The following RPAP2 variants were observed in gnomAD, a reference collection of about 807,000 sequenced individuals.
RPAP2 encodes putative RNA polymerase II subunit B1 CTD phosphatase RPAP2.
In RPAP2, 52 loss-of-function variants were observed where a neutral mutation model predicts 73.1. The observed-to-expected ratio is 0.71, with a 90% CI of 0.57 to 0.90. The LOEUF is 0.90. RPAP2 is among the 40% of genes least tolerant of loss of function. RPAP2 has a pLI of 0.00. For missense variants in RPAP2, 598 were observed against 701.8 expected, an observed-to-expected ratio of 0.85 and a Z score of 1.67; for synonymous variants, 225 against 242.1, an observed-to-expected ratio of 0.93 and a Z score of 0.65.
chr1:92,352,536 T>C (rs1002829908), intron 11 of RPAP2, among the ~76,000 whole-genome samples: 1 of 152,188 alleles, frequency 6.6e-6, no homozygotes, highest in Non-Finnish European at 1.5e-5. Context: ...CCTTAGAAAT[T>C]TATTGGTTAC....
chr1:92,320,689 T>A, intron 7 of RPAP2, 55 bp downstream of exon 7: 2 of 1,434,742 alleles, frequency 1.4e-6, no homozygotes, highest in Non-Finnish European at 9.8e-7. Context: ...ATAGAAACAT[T>A]AGGAGTGAAC....
intron 6 of RPAP2, 58 bp downstream of exon 6, chr1:92,307,334 C>A: frequency 2.5e-6 from 3 of 1,211,202 alleles, no homozygotes; most frequent in Admixed American, 2.3e-5. Context: ...TTTGTTTCTG[C>A]TTTTTGAGAT....
chr1:92,385,872 G>A (rs1655845495), intron 12 of RPAP2, among the ~76,000 whole-genome samples: 1 of 152,194 alleles, frequency 6.6e-6, no homozygotes, highest in Non-Finnish European at 1.5e-5. Context: ...CTTTCCTGAT[G>A]TTACAGTTAA....
chr1:92,340,648 G>GC (rs531283511), intron 10 of RPAP2, among the ~76,000 whole-genome samples: 14 of 152,240 alleles, frequency 9.2e-5, no homozygotes, highest in East Asian at 7.7e-4. Context: ...TTTTCTAAAA[G>GC]CCCCCCTTAG....
intron 6 of RPAP2, among the ~76,000 whole-genome samples, chr1:92,310,811 C>T (rs1469212408): frequency 5.3e-5 from 8 of 152,006 alleles, no homozygotes; most frequent in South Asian, 2.1e-4. Context: ...TAAGAAGAAC[C>T]GCTTGAACCT....
chr1:92,302,316 A>AT (rs1445576766), intron 3 of RPAP2, among the ~76,000 whole-genome samples: 1 of 150,844 alleles, frequency 6.6e-6, no homozygotes, highest in African/African-American at 2.5e-5. Context: ...AAAAAGAAAA[A>AT]TGAGGATGGG....
chr1:92,336,878 T>G (rs566726953), intron 10 of RPAP2, among the ~76,000 whole-genome samples: 3 of 152,100 alleles, frequency 2.0e-5, no homozygotes, highest in Non-Finnish European at 4.4e-5. Flanking sequence ...AATATTGAAT[T>G]ACACAGAACA....
Position 92,389,901 on chromosome 1 carries a change from G to A in RPAP2, c.*2890G>A, listed in dbSNP as rs1655987698. 6.6e-6 allele frequency: 1 copy of A among 152,182 alleles called. No individual in the cohort carries two copies. The highest frequency in any genetic ancestry group is 1.5e-5 in the Non-Finnish European group (1 of 68,032). 9.4% of individuals were successfully genotyped at this position (152,182 alleles called of 1,614,324 possible). A position where few individuals can be genotyped will look rare whatever the true frequency, so the allele number is the denominator to read the frequency against. On this transcript the variant is annotated 3_prime_UTR_variant, in exon 13 of 13. Coordinates refer to ENST00000610020, the MANE Select transcript of RPAP2 (RefSeq NM_024813.3). Reference sequence around the variant, plus strand: ...CAAGAAATATGAGACTATGTGAAAAGACCAAATCTATGTTTGATTGGTGTA... The same window carrying A: ...CAAGAAATATGAGACTATGTGAAAAAACCAAATCTATGTTTGATTGGTGTA...
chr1:92,381,452 A>C (rs1655624267), intron 12 of RPAP2, among the ~76,000 whole-genome samples: 1 of 152,164 alleles, frequency 6.6e-6, no homozygotes, highest in Non-Finnish European at 1.5e-5. Flanking sequence ...GTCCTGCCTT[A>C]ATTATAACTT....
intron 10 of RPAP2, 72 bp downstream of exon 10, chr1:92,336,499 C>A: frequency 9.6e-7 from 1 of 1,038,102 alleles, no homozygotes; most frequent in Non-Finnish European, 1.5e-6. Context: ...AATCCAAAGG[C>A]ACAGAGAAAG....
At position 92,393,781 on chromosome 1, in the gene RPAP2, C is replaced by T. The variant is rs1449819138; in HGVS notation, c.*6770C>T. On this transcript the variant is annotated 3_prime_UTR_variant, in exon 13 of 13. Transcript: ENST00000610020. ...GAAAATCAAAACCACAGTGAGATAC[C>T]ATCTCATGCCAGTTAGAATGGCGAT... 2 of 152,170 alleles carry T rather than the reference C, an allele frequency of 1.3e-5. No individual in the cohort carries two copies. Among genetic ancestry groups the T allele is most frequent in the African/African-American group, 4.8e-5 (2 of 41,442 alleles). 9.4% of individuals were successfully genotyped at this position (152,170 alleles called of 1,614,324 possible). A position where few individuals can be genotyped will look rare whatever the true frequency, so the allele number is the denominator to read the frequency against.
intron 9 of RPAP2, 42 bp from the exon 10 acceptor site, chr1:92,336,305 T>C (rs190239670): frequency 2.8e-6 from 4 of 1,427,374 alleles, no homozygotes; most frequent in Non-Finnish European, 3.9e-6. Context: ...AAAGTTTCCA[T>C]ATAATTTTGT....
At chr1:92,317,287 T>A (rs1651966234) in intron 6 of RPAP2, among the ~76,000 whole-genome samples, 1 of 152,040 alleles carries the variant, frequency 6.6e-6, no homozygotes, top group Admixed American at 6.6e-5. Flanking sequence ...GGCGGGTGAA[T>A]CATGAGGTCA....
intron 11 of RPAP2, among the ~76,000 whole-genome samples, chr1:92,357,930 CGTTT>C (rs1654559813): frequency 6.6e-6 from 1 of 152,092 alleles, no homozygotes; most frequent in Admixed American, 6.5e-5. Flanking sequence ...TTCATTTGCT[CGTTT>C]GTTTGTTTTA....
At chr1:92,384,710 C>T (rs952144836) in intron 12 of RPAP2, among the ~76,000 whole-genome samples, 1 of 151,850 alleles carries the variant, frequency 6.6e-6, no homozygotes, top group Non-Finnish European at 1.5e-5. Flanking sequence ...ACTCTGAGGA[C>T]ACTATATAGC....
intron 8 of RPAP2, among the ~76,000 whole-genome samples, chr1:92,326,733 G>T (rs1557603617): frequency 6.6e-6 from 1 of 152,210 alleles, no homozygotes; most frequent in Non-Finnish European, 1.5e-5. Flanking sequence ...TCAGGGAAGT[G>T]GGGGAAAGCT....
At chr1:92,343,847 T>TA (rs1439048771) in intron 10 of RPAP2, among the ~76,000 whole-genome samples, 1 of 152,224 alleles carries the variant, frequency 6.6e-6, no homozygotes, top group Non-Finnish European at 1.5e-5. Context: ...TTGTACTTTT[T>TA]AATACTGTGG....
At chr1:92,373,059 A>C (rs192684839) in intron 11 of RPAP2, among the ~76,000 whole-genome samples, 164 of 152,386 alleles carry the variant, frequency 1.1e-3, no homozygotes, top group African/African-American at 3.7e-3. Context: ...TACAGTGGAC[A>C]CAATATATGA....
intron 11 of RPAP2, among the ~76,000 whole-genome samples, chr1:92,347,771 T>G (rs1177891350): frequency 1.3e-5 from 2 of 151,518 alleles, no homozygotes; most frequent in Non-Finnish European, 2.9e-5. Flanking sequence ...CTGTTTGACT[T>G]CTTTAACTTT....
Sources: gnomAD v4.1 joint callset for allele counts (sites outside exome capture counted in the v4.1 genomes callset) on GRCh38, gnomAD v4.1.1 for gene constraint, MANE v1.5 for transcripts, NCBI Gene and HGNC (gene_info 2026-07-23, HGNC 2026-07-21) for gene names.